Variants in SLC4A8 observed in about 807,000 individuals in gnomAD.
SLC4A8 encodes the protein electroneutral sodium bicarbonate exchanger 1.
A neutral mutation model predicts 125.0 loss-of-function variants in SLC4A8; 40 were observed. That is an observed-to-expected ratio of 0.32 (90% CI 0.25 to 0.42). The LOEUF is 0.42. SLC4A8 is among the 10% of genes least tolerant of loss of function. The pLI, the probability that SLC4A8 is intolerant of heterozygous loss-of-function variation, is 1.00. For missense variants in SLC4A8, 863 were observed against 1,355.1 expected (o/e 0.64, Z 5.70); for synonymous variants, 456 against 476.0 (o/e 0.96, Z 0.55).
At chr12:51,462,026 C>A in intron 9 of SLC4A8, 2 of 268,364 alleles carry the variant, frequency 7.5e-6, no homozygotes, top group Non-Finnish European at 1.4e-5. Context: ...CCTTTCCTTC[C>A]ATCCTTTGTG....
chr12:51,493,381 CGTTT>C (rs1338432391), intron 19 of SLC4A8, among the ~76,000 whole-genome samples: 1 of 151,020 alleles, frequency 6.6e-6, no homozygotes, highest in Non-Finnish European at 1.5e-5. Context: ...GAGAGGGGTG[CGTTT>C]GTGTGTGTGT....
chr12:51,403,979 A>G (rs778082979), intron 1 of SLC4A8, among the ~76,000 whole-genome samples: 6 of 152,252 alleles, frequency 3.9e-5, no homozygotes, highest in Non-Finnish European at 8.8e-5. Flanking sequence ...CAGTGGCTGC[A>G]GGGCCCTGGA....
chr12:51,470,356 G>A, intron 12 of SLC4A8, 36 bp from the exon 13 acceptor site: 1 of 1,608,554 alleles, frequency 6.2e-7, no homozygotes, highest in South Asian at 1.1e-5. Context: ...TGTACTGATG[G>A]GCTATGGACT....
intron 2 of SLC4A8, among the ~76,000 whole-genome samples, chr12:51,448,927 G>A (rs1028033428): frequency 3.9e-5 from 6 of 152,168 alleles, no homozygotes; most frequent in Admixed American, 6.5e-5. Context: ...AAGCTTGGGT[G>A]GGTAGCACTG....
intron 1 of SLC4A8, among the ~76,000 whole-genome samples, chr12:51,395,625 G>C (rs531559579): frequency 8.2e-4 from 125 of 152,302 alleles, no homozygotes; most frequent in African/African-American, 2.9e-3. Context: ...TCAGGGGGAG[G>C]TGCTGGCTCC....
At chr12:51,446,241 C>G (rs144706561) in intron 2 of SLC4A8, among the ~76,000 whole-genome samples, 1 of 152,148 alleles carries the variant, frequency 6.6e-6, no homozygotes, top group Non-Finnish European at 1.5e-5. Flanking sequence ...GAGATATACA[C>G]GAGGCAACAG....
intron 11 of SLC4A8, chr12:51,469,278 T>G (rs1344633403): frequency 5.4e-6 from 1 of 185,138 alleles, no homozygotes; most frequent in Admixed American, 5.9e-5. Context: ...CTTAAGTTGG[T>G]TTTGCACATT....
Position 51,475,369 on chromosome 12 carries a change from A to G in SLC4A8, c.2172+163A>G, listed in dbSNP as rs529260618. On this transcript the variant is annotated intron_variant, in intron 16 of 24. Transcript: ENST00000453097. ...CTCCTAGTGTCTGGCAGCCTCTTTC[A>G]TAGATCTGTGGTTGGGAATGAAGGG... Among the ~76,000 whole-genome samples the G allele has an allele frequency of 5.9e-5, 9 of 152,302 alleles. No homozygotes were observed. In the South Asian group the frequency reaches 6.2e-4, roughly 11 times the overall value.
intron 1 of SLC4A8, among the ~76,000 whole-genome samples, chr12:51,412,375 C>A (rs1053451648): frequency 2.0e-5 from 3 of 152,084 alleles, no homozygotes; most frequent in Non-Finnish European, 4.4e-5. Flanking sequence ...ATGTATTAAT[C>A]AAATCAGGGT....
intron 1 of SLC4A8, among the ~76,000 whole-genome samples, chr12:51,416,211 GTTTTTTTTTT>G (rs57565585): frequency 1.2e-5 from 1 of 82,536 alleles, no homozygotes; most frequent in African/African-American, 4.7e-5. Context: ...GAGGTCTTTT[GTTTTTTTTTT>G]TTTTTTTTTT....
At chr12:51,453,009 G>A (rs900089540) in intron 4 of SLC4A8, among the ~76,000 whole-genome samples, 1 of 152,170 alleles carries the variant, frequency 6.6e-6, no homozygotes, top group African/African-American at 2.4e-5. Context: ...ATTCAAACAG[G>A]CCAATTGACC....
chr12:51,469,518 A>G, intron 11 of SLC4A8, 96 bp from the exon 12 acceptor site: 1 of 1,122,324 alleles, frequency 8.9e-7, no homozygotes, highest in Non-Finnish European at 1.3e-6. Flanking sequence ...CTTACCGCTG[A>G]ACAGAGCACA....
At chr12:51,488,596 C>T in intron 17 of SLC4A8, 103 bp from the exon 18 acceptor site, 1 of 762,596 alleles carries the variant, frequency 1.3e-6, no homozygotes, top group South Asian at 2.9e-5. Context: ...TTAAGAACCT[C>T]ACTCAAGAAT....
At chr12:51,423,316 A>G (rs1320159275), upstream of SLC4A8, among the ~76,000 whole-genome samples, 1 of 152,240 alleles carries the variant, frequency 6.6e-6, no homozygotes, top group Non-Finnish European at 1.5e-5. Context: ...TATCAGGGAC[A>G]GTAGAATAAA....
At chr12:51,471,591 G>T (rs1950700271) in intron 14 of SLC4A8, 59 bp downstream of exon 14, 1 of 1,566,600 alleles carries the variant, frequency 6.4e-7, no homozygotes, top group African/African-American at 1.4e-5. Context: ...TTTAATTGCT[G>T]ATGTAGAGTG....
intron 1 of SLC4A8, among the ~76,000 whole-genome samples, chr12:51,411,669 T>C (rs1948600614): frequency 6.6e-6 from 1 of 152,240 alleles, no homozygotes; most frequent in Non-Finnish European, 1.5e-5. Context: ...TCATTTATTT[T>C]CATTTTCATA....
intron 19 of SLC4A8, 43 bp downstream of exon 19, chr12:51,489,994 T>A (rs1346904952): frequency 1.9e-6 from 3 of 1,592,708 alleles, no homozygotes; most frequent in Non-Finnish European, 2.6e-6. Flanking sequence ...AAGGGCCTGA[T>A]TTGTGCCAGG....
upstream of SLC4A8, chr12:51,420,191 C>T (rs1461286474): frequency 1.3e-5 from 2 of 152,194 alleles, no homozygotes; most frequent in East Asian, 1.9e-4. Context: ...CCTCCAACCA[C>T]ATCTTGGGTT....
intron 23 of SLC4A8, 60 bp downstream of exon 23, chr12:51,504,180 T>TGTG (rs1938065188): frequency 1.9e-6 from 2 of 1,032,068 alleles, no homozygotes; most frequent in Non-Finnish European, 3.0e-6. Context: ...GTTCTGGCTT[T>TGTG]GTGGTGGTGG....
Sources: allele counts gnomAD v4.1 joint callset (sites outside exome capture counted in the v4.1 genomes callset), GRCh38; gene constraint gnomAD v4.1.1; transcripts MANE v1.5; gene names NCBI Gene and HGNC (gene_info 2026-07-23, HGNC 2026-07-21).